RP2: variants seen among roughly 807,000 people sequenced by gnomAD.
The protein encoded by RP2 is protein XRP2.
RP2 carries 3 observed loss-of-function variants against 20.3 expected under a neutral mutation model. The ratio of observed to expected loss-of-function variants is 0.15; its 90% CI spans 0.07 to 0.38. The LOEUF is 0.38. Ranked by LOEUF, RP2 falls within the 10% of genes least tolerant of loss-of-function variation. RP2 has a pLI of 1.00. For synonymous variants in RP2, 75 were observed against 94.8 expected (o/e 0.79, Z 1.22); for missense variants, 233 against 268.5 (o/e 0.87, Z 0.92).
At position 46,844,184 on chromosome X, in the gene RP2, A is replaced by T. The variant is rs192904077; in HGVS notation, c.102+6982A>T. 3.1e-4 allele frequency among the ~76,000 whole-genome samples: 35 copies of T among 111,759 alleles called. No homozygotes were observed. In the East Asian group the frequency reaches 4.5e-3, roughly 14 times the overall value. On this transcript the variant is annotated intron_variant, in intron 1 of 4. Coordinates refer to ENST00000218340, the MANE Select transcript of RP2 (RefSeq NM_006915.3). ...TAGTACATTTTTTTTATTTAAAAAA[A>T]TTTTTTTATTATACTTTAAGTTGTA...
chrX:46,864,040 G>A (rs1423283887), intron 3 of RP2, among the ~76,000 whole-genome samples: 2 of 111,630 alleles, frequency 1.8e-5, no homozygotes, highest in Non-Finnish European at 3.8e-5. Context: ...AGCCAGGCAC[G>A]GTGGCTCACA....
intron 3 of RP2, among the ~76,000 whole-genome samples, chrX:46,875,980 A>T: frequency 9.0e-6 from 1 of 110,864 alleles, no homozygotes; most frequent in African/African-American, 3.3e-5. Flanking sequence ...TCTAAATAAA[A>T]ATTTAAGATT....
intron 3 of RP2, among the ~76,000 whole-genome samples, chrX:46,866,008 T>G (rs1314617597): frequency 1.8e-5 from 2 of 111,872 alleles, no homozygotes; most frequent in African/African-American, 6.5e-5. Flanking sequence ...TCTTTTAAGT[T>G]ATAATCCAAT....
intron 4 of RP2, 124 bp downstream of exon 4, chrX:46,877,714 G>GTGTGTA (rs1360188197): frequency 2.5e-6 from 1 of 406,336 alleles, no homozygotes; most frequent in East Asian, 3.9e-5. Context: ...GTGTGTGTGT[G>GTGTGTA]TGTGTGTGTG....
At chrX:46,878,319 G>A (rs1020551342) in intron 4 of RP2, among the ~76,000 whole-genome samples, 4 of 105,502 alleles carry the variant, frequency 3.8e-5, no homozygotes, top group Non-Finnish European at 7.8e-5. Context: ...GGAGCTTGCA[G>A]TGAGCCGAGA....
rs185008818 is a variant in RP2 at position 46,860,478 on chromosome X, T to G, written c.883+376T>G. ...AGATTCTTTCTACCTTCAGTGTGCT[T>G]TAATCATACTGGAAAAGAAATAAGA... On this transcript the variant is annotated intron_variant, in intron 3 of 4. Transcript: ENST00000218340. Among the ~76,000 whole-genome samples, 8 of 112,287 alleles carry G rather than the reference T, an allele frequency of 7.1e-5. No homozygotes were observed. The East Asian group carries it at 1.4e-3, about 19-fold the overall frequency.
intron 1 of RP2, among the ~76,000 whole-genome samples, chrX:46,847,779 C>CACACATGTGTGTGTGTAT (rs1569531400): frequency 4.9e-5 from 4 of 81,980 alleles, no homozygotes; most frequent in African/African-American, 2.0e-4. Context: ...TGTGTGTGTA[C>CACACATGTGTGTGTGTAT]ATACACACAT....
At chrX:46,840,973 A>G (rs1924612172) in intron 1 of RP2, among the ~76,000 whole-genome samples, 1 of 112,365 alleles carries the variant, frequency 8.9e-6, no homozygotes, top group Non-Finnish European at 1.9e-5. Context: ...AAAGCAGCCA[A>G]TTTGTGCACT....
chrX:46,851,837 C>T lies in RP2; in HGVS notation c.103-1639C>T, dbSNP rs1230195781. Among the ~76,000 whole-genome samples, 24 of 111,433 alleles carry T rather than the reference C, an allele frequency of 2.2e-4. No individual in the cohort carries two copies. The South Asian group carries it at 3.0e-3, about 14-fold the overall frequency. On this transcript the variant is annotated intron_variant, in intron 1 of 4. Transcript: ENST00000218340. ...ATCCCAGCATTTTGGGAGGCTGAGG[C>T]GGGCAGATCACGAGGTCAGGAGATC...
rs781992752 is a variant in RP2, at chrX:46,853,525, G to T, written c.152G>T (p.Gly51Val). ...MFSGLKDETV[G>V]RLPGTVAGQQ... ...AGTGGACTGAAGGATGAAACAGTAG[G>T]TCGCTTACCTGGGACGGTAGCAGGA... Residue 51 changes from glycine to valine, a missense_variant, in exon 2 of 5, where the codon GGT becomes GTT. Transcript: ENST00000218340. 2 of 1,208,969 alleles carry T rather than the reference G, an allele frequency of 1.7e-6. No homozygotes were observed. The highest frequency in any genetic ancestry group is 3.5e-5 in the South Asian group (2 of 56,722).
chrX:46,858,644 A>AT lies in RP2; in HGVS notation c.769-1335dup, dbSNP rs199798885. ...CACCACCACACCTGGCTAATTTTAA[A>AT]TTTTTTTTTATAAAGATGGGGTCTT... On this transcript the variant is annotated intron_variant, in intron 2 of 4. Coordinates refer to ENST00000218340, the MANE Select transcript of RP2 (RefSeq NM_006915.3). Among the ~76,000 whole-genome samples, 991 of 108,493 alleles carry AT rather than the reference A, an allele frequency of 9.1e-3. 20 individuals carry two copies. Among genetic ancestry groups the AT allele is most frequent in the African/African-American group, 0.032 (953 of 29,720 alleles). The allele number at this position is 108,493 out of a possible 115,157, so 94.2% of individuals were successfully genotyped here. A position where few individuals can be genotyped will look rare whatever the true frequency, so the allele number is the denominator to read the frequency against.
At chrX:46,857,132 A>G (rs957330200) in intron 2 of RP2, among the ~76,000 whole-genome samples, 1 of 110,270 alleles carries the variant, frequency 9.1e-6, no homozygotes, top group African/African-American at 3.4e-5. Flanking sequence ...AATGCATTAA[A>G]TAATGATTTT....
Position 46,864,327 on chromosome X carries a change from T to TTTCC in RP2, c.883+4240_883+4243dup, listed in dbSNP as rs781930937. On this transcript the variant is annotated intron_variant, in intron 3 of 4. Transcript: ENST00000218340. ...CAAATACATAAATACATAAACAAAT[T>TTTCC]TTCCTTCCTTCCTTCCTTTCTTTTT... is the stretch of plus-strand genomic sequence containing the variant. 1.5e-3 allele frequency among the ~76,000 whole-genome samples: 160 copies of TTTCC among 107,552 alleles called. 1 individual carries two copies. The highest frequency in any genetic ancestry group is 2.1e-3 in the Non-Finnish European group (110 of 51,927). The allele number at this position is 107,552 out of a possible 115,157, so 93.4% of individuals were successfully genotyped here. A position where few individuals can be genotyped will look rare whatever the true frequency, so the allele number is the denominator to read the frequency against.
intron 3 of RP2, among the ~76,000 whole-genome samples, chrX:46,873,394 C>T (rs2147088064): frequency 8.9e-6 from 1 of 112,138 alleles, no homozygotes; most frequent in East Asian, 2.8e-4. Flanking sequence ...AAAAACATGA[C>T]CAGTAATCCT....
chrX:46,838,744 A>T (rs1268903055), intron 1 of RP2, among the ~76,000 whole-genome samples: 2 of 112,333 alleles, frequency 1.8e-5, no homozygotes, highest in Admixed American at 1.9e-4. Context: ...TCTTTTAGAT[A>T]AGTGTGTGTG....
intron 1 of RP2, among the ~76,000 whole-genome samples, chrX:46,847,787 C>CATGTGTGTGTGTATATACACACAT (rs1924771768): frequency 0.013 from 1,062 of 82,382 alleles, 44 homozygotes; most frequent in African/African-American, 0.053. Flanking sequence ...TACATACACA[C>CATGTGTGTGTGTATATACACACAT]ATGTGTGTGT....
rs182106126 is a variant in RP2 at position 46,862,905 on chromosome X, G to C, written c.883+2803G>C. ...ATCTAATTGAGCCAAGACTTAACTTGTAGTTTGTAGTGTAGGAAGAAAAGA... is the reference window on the plus strand; with the variant it reads ...ATCTAATTGAGCCAAGACTTAACTTCTAGTTTGTAGTGTAGGAAGAAAAGA... On this transcript the variant is annotated intron_variant, in intron 3 of 4. Transcript: ENST00000218340. 5.5e-3 allele frequency among the ~76,000 whole-genome samples: 619 copies of C among 112,018 alleles called. 3 individuals are homozygous for C. Among genetic ancestry groups the C allele is most frequent in the South Asian group, 0.034 (91 of 2,715 alleles).
chrX:46,842,746 CA>C (rs1924645956), intron 1 of RP2, among the ~76,000 whole-genome samples: 1 of 111,724 alleles, frequency 9.0e-6, no homozygotes, highest in Non-Finnish European at 1.9e-5. Context: ...TTGTGACTGG[CA>C]TCTTTCACTT....
intron 2 of RP2, 43 bp downstream of exon 2, chrX:46,854,184 A>G: frequency 8.9e-7 from 1 of 1,125,358 alleles, no homozygotes. Context: ...CCTAGATTTA[A>G]AAATGTACCA....
Sources: allele counts gnomAD v4.1 joint callset (sites outside exome capture counted in the v4.1 genomes callset), GRCh38; gene constraint gnomAD v4.1.1; transcripts MANE v1.5; gene names NCBI Gene and HGNC (gene_info 2026-07-23, HGNC 2026-07-21).